PAOX: variants seen among roughly 807,000 people sequenced by gnomAD.
PAOX encodes the protein polyamine oxidase, also known as peroxisomal N(1)-acetyl-spermine/spermidine oxidase.
PAOX carries 38 observed loss-of-function variants against 39.0 expected under a neutral mutation model. That is an observed-to-expected ratio of 0.97 (90% CI 0.75 to 1.28). PAOX has a LOEUF of 1.28. PAOX is among the 50% of genes most tolerant of loss of function. The pLI, the probability that PAOX is intolerant of heterozygous loss-of-function variation, is 0.00. For synonymous variants in PAOX, 311 were observed against 314.4 expected, an observed-to-expected ratio of 0.99 and a Z score of 0.11; for missense variants, 667 against 685.7, an observed-to-expected ratio of 0.97 and a Z score of 0.30.
At chr10:133,387,994 G>A (rs1849572353) in intron 4 of PAOX, among the ~76,000 whole-genome samples, 1 of 152,146 alleles carries the variant, frequency 6.6e-6, no homozygotes, top group African/African-American at 2.4e-5. Flanking sequence ...TGGGATTACA[G>A]GCCTGAGCCA....
At chr10:133,385,549 T>G (rs937212588) in intron 4 of PAOX, among the ~76,000 whole-genome samples, 1 of 152,226 alleles carries the variant, frequency 6.6e-6, no homozygotes, top group African/African-American at 2.4e-5. Flanking sequence ...TTTGTTTATG[T>G]GAGTCACATC....
rs1337658697 is a variant in PAOX, at chr10:133,389,574, T to C, written c.1235-16T>C. On this transcript the variant is annotated splice_polypyrimidine_tract_variant and intron_variant, in intron 5 of 6. Coordinates refer to ENST00000278060, the MANE Select transcript of PAOX (RefSeq NM_152911.4). ...GTGAGAGTTCTCGGTTAACATGCAG[T>C]GTCTCTGTGGCTCAGGAAACCCACG... 2 of 1,613,866 alleles carry C rather than the reference T, an allele frequency of 1.2e-6. No homozygotes were observed. Among genetic ancestry groups the C allele is most frequent in the Admixed American group, 1.7e-5 (1 of 60,012 alleles).
rs771998301 is a variant in PAOX at position 133,381,547 on chromosome 10, G to C, written c.756G>C (p.Trp252Cys). The change falls in exon 3 of 7, where the codon TGG (tryptophan) becomes TGC (cysteine). Residue 252 changes from tryptophan (W) to cysteine (C), a missense_variant. Transcript: ENST00000278060. Reference protein sequence around the residue: ...VFEKPVKTIHWNGSFQEAAFP... With the variant: ...VFEKPVKTIHCNGSFQEAAFP... ...AGAAGCCTGTGAAGACCATCCACTGGAACGGGTCCTTCCAGGAGGCAGCCT... is the reference window on the plus strand; with the variant it reads ...AGAAGCCTGTGAAGACCATCCACTGCAACGGGTCCTTCCAGGAGGCAGCCT... 3 of 1,613,830 alleles carry C rather than the reference G, an allele frequency of 1.9e-6. No individual in the cohort carries two copies. Among genetic ancestry groups the C allele is most frequent in the East Asian group, 2.2e-5 (1 of 44,884 alleles).
rs1267970812 is a variant in PAOX at position 133,380,464 on chromosome 10, G to A, written c.647G>A (p.Gly216Glu). The change falls in exon 2 of 7, where the codon GGG (glycine) becomes GAG (glutamate). Residue 216 changes from glycine (G) to glutamate (E), a missense_variant. Transcript: ENST00000278060. The stretch of plus-strand genomic sequence containing the variant: ...TTTGGGGAGTATACCGTGCTGCCGG[G>A]GCTGGACTGCACCTTTTCTAAGTGC... ...APFGEYTVLP[G>E]LDCTFSKGYQ... 6.2e-7 allele frequency: 1 copy of A among 1,609,872 alleles called. No individual in the cohort carries two copies. The highest frequency in any genetic ancestry group is 1.7e-5 in the Admixed American group (1 of 60,006).
Position 133,381,495 on chromosome 10 carries a change from C to T in PAOX, c.704C>T (p.Ala235Val), listed in dbSNP as rs1849376515. The change falls in exon 3 of 7, where the codon GCC becomes GTC. Residue 235 changes from alanine (A) to valine (V), a missense_variant. Ala to Val is a moderately conservative substitution (Grantham distance 64, BLOSUM62 0). Transcript: ENST00000278060. ...YQGLTNCMMA[A>V]LPEDTVVFEK... ...GGACTCACAAACTGCATGATGGCCG[C>T]CCTGCCGGAGGACACTGTAGTTTTT... 1 of 1,613,752 alleles carries T rather than the reference C, an allele frequency of 6.2e-7. No homozygotes were observed. The highest frequency in any genetic ancestry group is 8.5e-7 in the Non-Finnish European group (1 of 1,180,022).
chr10:133,379,503 CGCCCCTCCCGGA>C lies in PAOX; in HGVS notation c.181+19_181+30del, dbSNP rs941869305. The stretch of plus-strand genomic sequence containing the variant: ...CCGCTCGGAGCGCTGCTTCGGTAAC[CGCCCCTCCCGGA>C]GCCCCTCCCGGAACCCAACCGGCTG... On this transcript the variant is annotated splice_region_variant and intron_variant, in intron 1 of 6. Coordinates refer to ENST00000278060, the MANE Select transcript of PAOX (RefSeq NM_152911.4). 17 of 1,225,590 alleles carry C rather than the reference CGCCCCTCCCGGA, an allele frequency of 1.4e-5. No individual in the cohort carries two copies. Among genetic ancestry groups the C allele is most frequent in the South Asian group, 8.3e-5 (2 of 24,110 alleles). The allele number at this position is 1,225,590 out of a possible 1,614,324, so 75.9% of individuals were successfully genotyped here.
intron 4 of PAOX, among the ~76,000 whole-genome samples, chr10:133,386,149 C>G (rs568095963): frequency 2.8e-4 from 42 of 151,828 alleles, no homozygotes; most frequent in Non-Finnish European, 5.6e-4. Context: ...CTCAGCCTCC[C>G]GAGTAGCTGG....
rs1395345797 is a variant in PAOX at position 133,389,704 on chromosome 10, A to C, written c.1349A>C (p.Asp450Ala). The C allele has an allele frequency of 6.3e-7, 1 of 1,592,610 alleles. No individual in the cohort carries two copies. The highest frequency in any genetic ancestry group is 8.6e-7 in the Non-Finnish European group (1 of 1,166,820). The change falls in exon 6 of 7, where the codon GAC (aspartate) becomes GCC (alanine). Residue 450 changes from aspartate (D) to alanine (A), a missense_variant. Physicochemically the swap from Asp to Ala is moderately radical, Grantham distance 126. Coordinates refer to ENST00000278060, the MANE Select transcript of PAOX (RefSeq NM_152911.4). ...VAVGSTGGDL[D>A]LLAQPLPADG... Reference sequence around the variant, plus strand: ...GTGGGCAGTACTGGGGGCGACCTGGACCTGCTGGCTCAGCCCCTCCCTGCA... The same window carrying C: ...GTGGGCAGTACTGGGGGCGACCTGGCCCTGCTGGCTCAGCCCCTCCCTGCA...
In PAOX at chr10:133,380,004, G is replaced by A. The variant is rs374608714; in HGVS notation, c.187G>A (p.Val63Met). 2.7e-5 allele frequency: 41 copies of A among 1,509,294 alleles called. No individual in the cohort carries two copies. The African/African-American group carries it at 2.8e-4, about 10-fold the overall frequency. 93.5% of individuals were successfully genotyped at this position (1,509,294 alleles called of 1,614,324 possible). A position where few individuals can be genotyped will look rare whatever the true frequency, so the allele number is the denominator to read the frequency against. Residue 63 changes from valine (V) to methionine (M), a missense_variant, in exon 2 of 7, where the codon GTG (valine) becomes ATG (methionine). Coordinates refer to ENST00000278060, the MANE Select transcript of PAOX (RefSeq NM_152911.4). Reference sequence around the variant, plus strand: ...CATCTGCTGTCCCCTCGCAGGTGGCGTGGTGGAGGTGGGCGCGCACTGGAT... The same window carrying A: ...CATCTGCTGTCCCCTCGCAGGTGGCATGGTGGAGGTGGGCGCGCACTGGAT... ...RIRSERCFGG[V>M]VEVGAHWIHG...
intron 4 of PAOX, among the ~76,000 whole-genome samples, chr10:133,388,194 T>C (rs1355507621): frequency 2.0e-5 from 3 of 152,330 alleles, no homozygotes; most frequent in South Asian, 2.1e-4. Flanking sequence ...AGGTTTGTTA[T>C]GTAGCTAACC....
Position 133,384,000 on chromosome 10 carries a change from C to T in PAOX, c.909C>T (p.Pro303=). The change falls in exon 4 of 7, where the codon CCC becomes CCT. Residue 303 remains proline (P), a synonymous_variant. Coordinates refer to ENST00000278060, the MANE Select transcript of PAOX (RefSeq NM_152911.4). ...ATTTGGACACCTTCTTTGACCCTCC[C>T]CTGCCGGCTGAGAAGGCAGAAGCAA... is the stretch of plus-strand genomic sequence containing the variant. The part of the protein sequence containing the change: ...REHLDTFFDP[P]LPAEKAEAIR... 1 of 1,614,160 alleles carries T rather than the reference C, an allele frequency of 6.2e-7. No individual in the cohort carries two copies. Among genetic ancestry groups the T allele is most frequent in the Non-Finnish European group, 8.5e-7 (1 of 1,180,040 alleles).
At chr10:133,381,341 C>G (rs965452188) in intron 2 of PAOX, 119 bp from the exon 3 acceptor site, 4 of 917,484 alleles carry the variant, frequency 4.4e-6, no homozygotes, top group Non-Finnish European at 6.8e-6. Flanking sequence ...TGGCCCTGAG[C>G]GATGGAGAGC....
At chr10:133,390,840 C>CCA in intron 6 of PAOX, 2 of 572,514 alleles carry the variant, frequency 3.5e-6, no homozygotes, top group Non-Finnish European at 3.2e-6. Flanking sequence ...CCACCCTCCC[C>CCA]ATATGTGATC....
At chr10:133,388,889 TG>T in intron 4 of PAOX, 66 bp from the exon 5 acceptor site, 2 of 692,508 alleles carry the variant, frequency 2.9e-6, no homozygotes, top group Admixed American at 2.3e-5. Flanking sequence ...CATGCAGGTC[TG>T]GTCATCCCAG....
In PAOX at chr10:133,390,082, G is replaced by A. The variant is rs533775136; in HGVS notation, c.1392+335G>A. 6.6e-5 allele frequency among the ~76,000 whole-genome samples: 10 copies of A among 152,156 alleles called. No homozygotes were observed. The South Asian group carries it at 1.7e-3, about 25-fold the overall frequency. ...TCTAAAAACATGTTTCTGCTACCAC[G>A]TTTTGAGATACATTTCCTGTGCAAA... On this transcript the variant is annotated intron_variant, in intron 6 of 6. Coordinates refer to ENST00000278060, the MANE Select transcript of PAOX (RefSeq NM_152911.4).
At position 133,380,369 on chromosome 10, in the gene PAOX, G is replaced by A. The variant is rs148001780; in HGVS notation, c.552G>A (p.Leu184=). The change falls in exon 2 of 7, where the codon CTG becomes CTA. Residue 184 remains leucine (L), a synonymous_variant. Transcript: ENST00000278060. The part of the protein sequence containing the change: ...EETRKLKLAV[L]NSFFNLECCV... ...CCAGGAAGCTGAAGCTGGCCGTCCT[G>A]AACTCCTTCTTCAACCTGGAATGCT... The A allele has an allele frequency of 3.7e-5, 59 of 1,612,928 alleles. No individual in the cohort carries two copies. In the African/African-American group the frequency reaches 7.1e-4, roughly 19 times the overall value.
chr10:133,389,121 C>T (rs1212015973), intron 5 of PAOX, 53 bp downstream of exon 5: 21 of 1,391,774 alleles, frequency 1.5e-5, no homozygotes, highest in Non-Finnish European at 2.0e-5. Context: ...ACTGGTTGAT[C>T]TCTAAACAGA....
In PAOX at chr10:133,391,318, A is replaced by T. The variant is rs1849675257; in HGVS notation, c.1399A>T (p.Ile467Phe). 1.1e-5 allele frequency: 18 copies of T among 1,613,316 alleles called. No individual in the cohort carries two copies. Among genetic ancestry groups the T allele is most frequent in the Non-Finnish European group, 1.5e-5 (18 of 1,179,980 alleles). ...PADGAGAQLQILFAGEATHRT... is the reference protein window; with the variant it reads ...PADGAGAQLQFLFAGEATHRT... ...CCCTGGCTCTTCTTTGCAGCTCCAG[A>T]TCCTGTTTGCGGGGGAAGCCACACA... is the stretch of plus-strand genomic sequence containing the variant. Residue 467 changes from isoleucine (I) to phenylalanine (F), a missense_variant, in exon 7 of 7, where the codon ATC becomes TTC. By Grantham distance (21) the Ile-to-Phe change is conservative. Transcript: ENST00000278060.
Position 133,380,164 on chromosome 10 carries a change from C to G in PAOX, c.347C>G (p.Ala116Gly), listed in dbSNP as rs200955305. 7.6e-5 allele frequency: 122 copies of G among 1,608,958 alleles called. 1 individual carries two copies. The East Asian group carries it at 2.7e-3, about 36-fold the overall frequency. The stretch of plus-strand genomic sequence containing the variant: ...GTGGGCCTGCCCTCCGTGAGCTACG[C>G]CAGCTCCGGGGCCAGCGTGAGCCTC... The part of the protein sequence containing the change: ...GHVGLPSVSY[A>G]SSGASVSLQL... Residue 116 changes from alanine (A) to glycine (G), a missense_variant, in exon 2 of 7, where the codon GCC (alanine) becomes GGC (glycine). Ala to Gly is a moderately conservative substitution (Grantham distance 60). Transcript: ENST00000278060.
Sources: allele counts gnomAD v4.1 joint callset (sites outside exome capture counted in the v4.1 genomes callset), GRCh38; gene constraint gnomAD v4.1.1; transcripts MANE v1.5; gene names NCBI Gene and HGNC (gene_info 2026-07-23, HGNC 2026-07-21).